EML6: variants seen among roughly 807,000 people sequenced by gnomAD.
The protein encoded by EML6 is echinoderm microtubule-associated protein-like 6.
EML6 carries 154 observed loss-of-function variants against 240.1 expected under a neutral mutation model. That is an observed-to-expected ratio of 0.64 (90% CI 0.56 to 0.73). The LOEUF (loss-of-function observed/expected upper bound fraction) is 0.73. EML6 is among the 30% of genes least tolerant of loss of function. EML6 has a pLI of 0.00. For missense variants in EML6, 2,964 were observed against 2,474.6 expected, an observed-to-expected ratio of 1.20 and a Z score of -4.20; for synonymous variants, 1,148 against 899.0, an observed-to-expected ratio of 1.28 and a Z score of -4.95.
chr2:54,896,748 A>C (rs971322615), intron 21 of EML6, among the ~76,000 whole-genome samples: 10 of 152,100 alleles, frequency 6.6e-5, no homozygotes, highest in African/African-American at 1.4e-4. Flanking sequence ...CCCAAATCCC[A>C]CTGAGAGGGT....
chr2:54,942,594 T>A (rs1440676778), intron 28 of EML6, among the ~76,000 whole-genome samples: 1 of 152,128 alleles, frequency 6.6e-6, no homozygotes, highest in East Asian at 1.9e-4. Context: ...GGCGTGCTCT[T>A]TACCCGACTC....
chr2:54,797,867 C>A (rs1470787962), intron 2 of EML6, among the ~76,000 whole-genome samples: 1 of 152,046 alleles, frequency 6.6e-6, no homozygotes, highest in Non-Finnish European at 1.5e-5. Flanking sequence ...AATCCTTATG[C>A]CAATAGCACA....
intron 5 of EML6, among the ~76,000 whole-genome samples, chr2:54,822,133 C>T (rs1279840557): frequency 6.6e-6 from 1 of 152,072 alleles, no homozygotes; most frequent in African/African-American, 2.4e-5. Context: ...CAAATAGAAA[C>T]ACTGTTGGCC....
chr2:54,841,246 G>A (rs1442548909), intron 7 of EML6, among the ~76,000 whole-genome samples: 5 of 152,216 alleles, frequency 3.3e-5, no homozygotes, highest in Admixed American at 6.5e-5. Context: ...CCTGATGTTT[G>A]CAGTGGAGGA....
At chr2:54,733,093 T>C (rs1683243477) in intron 2 of EML6, among the ~76,000 whole-genome samples, 1 of 152,184 alleles carries the variant, frequency 6.6e-6, no homozygotes, top group South Asian at 2.1e-4. Context: ...GATTCTGGGA[T>C]TGTCCACTGG....
intron 40 of EML6, among the ~76,000 whole-genome samples, 162 bp from the exon 41 acceptor site, chr2:54,968,506 A>AG (rs1676849222): frequency 6.6e-6 from 1 of 152,224 alleles, no homozygotes; most frequent in Non-Finnish European, 1.5e-5. Context: ...GATGAGAGGC[A>AG]GGAAAGTCAG....
chr2:54,789,073 C>T (rs1049026609), intron 2 of EML6, among the ~76,000 whole-genome samples: 1 of 152,178 alleles, frequency 6.6e-6, no homozygotes, highest in Admixed American at 6.5e-5. Context: ...CTTTCTCTTT[C>T]ATGTGTTCTG....
Position 54,760,207 on chromosome 2 carries a change from T to C in EML6, c.197+34949T>C, listed in dbSNP as rs867228217. ...TTAAGTAATACATGAATAAGTTTTC[T>C]TTTTTTTTTTTTAATTTTAGAACAT... On this transcript the variant is annotated intron_variant, in intron 2 of 41. Coordinates refer to ENST00000356458, the MANE Select transcript of EML6 (RefSeq NM_001039753.4). 1.2e-3 allele frequency among the ~76,000 whole-genome samples: 165 copies of C among 143,280 alleles called. No individual in the cohort carries two copies. In the Middle Eastern group the frequency reaches 0.014, roughly 13 times the overall value. 94.0% of individuals were successfully genotyped at this position (143,280 alleles called of 152,430 possible).
In EML6 at chr2:54,907,900, T is replaced by TTAGATAGA. The variant is rs200763117; in HGVS notation, c.3410-3015_3410-3008dup. Among the ~76,000 whole-genome samples the TTAGATAGA allele has an allele frequency of 2.3e-4, 31 of 136,334 alleles. 1 individual carries two copies. The highest frequency in any genetic ancestry group is 4.7e-4 in the East Asian group (2 of 4,220). 89.4% of individuals were successfully genotyped at this position (136,334 alleles called of 152,430 possible). A position where few individuals can be genotyped will look rare whatever the true frequency, so the allele number is the denominator to read the frequency against. ...AGATAGATTAGATAGATTAGATAGA[T>TTAGATAGA]TAGATAGATAGATAGATAGATAGAT... is the stretch of plus-strand genomic sequence containing the variant. On this transcript the variant is annotated intron_variant, in intron 24 of 41. Transcript: ENST00000356458.
intron 11 of EML6, among the ~76,000 whole-genome samples, chr2:54,855,458 G>GCCCCCCCCCCC (rs11297060): frequency 3.2e-5 from 4 of 124,104 alleles, no homozygotes; most frequent in Non-Finnish European, 5.1e-5. Flanking sequence ...CTTCTACCAT[G>GCCCCCCCCCCC]CCCCCCCCCC....
chr2:54,874,093 C>T (rs879589737), intron 16 of EML6, among the ~76,000 whole-genome samples: 5 of 151,968 alleles, frequency 3.3e-5, no homozygotes, highest in South Asian at 2.1e-4. Flanking sequence ...TTTTTGAAAT[C>T]GAAATAATTA....
intron 2 of EML6, among the ~76,000 whole-genome samples, chr2:54,776,806 C>T (rs1056752580): frequency 6.6e-6 from 1 of 151,756 alleles, no homozygotes; most frequent in Non-Finnish European, 1.5e-5. Context: ...AAAGCTAATA[C>T]TGATACCTTG....
At chr2:54,773,708 A>C (rs1668488255) in intron 2 of EML6, among the ~76,000 whole-genome samples, 1 of 152,224 alleles carries the variant, frequency 6.6e-6, no homozygotes, top group African/African-American at 2.4e-5. Flanking sequence ...TGTATTTACA[A>C]CTGGGAACTT....
intron 7 of EML6, among the ~76,000 whole-genome samples, chr2:54,831,678 C>T (rs1487295474): frequency 6.6e-6 from 1 of 152,208 alleles, no homozygotes; most frequent in African/African-American, 2.4e-5. Flanking sequence ...TGGTGTGCAT[C>T]TTAGATGGCT....
At chr2:54,820,086 G>C (rs1668261212) in intron 4 of EML6, among the ~76,000 whole-genome samples, 1 of 152,070 alleles carries the variant, frequency 6.6e-6, no homozygotes, top group Non-Finnish European at 1.5e-5. Flanking sequence ...TGAAAAATTT[G>C]ATCAAAAATT....
chr2:54,898,667 C>T (rs1442115863), intron 21 of EML6, among the ~76,000 whole-genome samples: 13 of 152,192 alleles, frequency 8.5e-5, no homozygotes. Flanking sequence ...CTTTGGAAAG[C>T]CACCTGTTCC....
intron 17 of EML6, among the ~76,000 whole-genome samples, chr2:54,889,291 A>T (rs150124918): frequency 3.9e-5 from 6 of 151,960 alleles, no homozygotes; most frequent in Non-Finnish European, 5.9e-5. Flanking sequence ...TTATTCTTCC[A>T]TGAGAGCTTT....
chr2:54,921,053 G>A (rs1558687452), intron 26 of EML6, among the ~76,000 whole-genome samples: 1 of 152,036 alleles, frequency 6.6e-6, no homozygotes, highest in Non-Finnish European at 1.5e-5. Context: ...GCTCAATGAT[G>A]AAAAGCCGAA....
intron 14 of EML6, chr2:54,867,327 A>G (rs889074081): frequency 3.9e-5 from 6 of 153,272 alleles, no homozygotes; most frequent in African/African-American, 1.4e-4. Flanking sequence ...GCACCCTTGC[A>G]TATTTTAAGT....
Sources: gnomAD v4.1 joint callset for allele counts (sites outside exome capture counted in the v4.1 genomes callset) on GRCh38, gnomAD v4.1.1 for gene constraint, MANE v1.5 for transcripts, NCBI Gene and HGNC (gene_info 2026-07-23, HGNC 2026-07-21) for gene names.